Variants in UST observed in about 807,000 individuals in gnomAD.
UST encodes chondroitin sulfate 2-O-sulfotransferase.
UST carries 21 observed loss-of-function variants against 45.6 expected under a neutral mutation model. That is an observed-to-expected ratio of 0.46 (90% CI 0.33 to 0.66). The LOEUF is 0.66. Ranked by LOEUF, UST falls within the 30% of genes least tolerant of loss-of-function variation. The pLI is 0.02. For missense variants in UST, 463 were observed against 512.4 expected (o/e 0.90, Z 0.93); for synonymous variants, 215 against 200.6 (o/e 1.07, Z -0.61).
At chr6:148,877,508 G>C (rs796823920) in intron 1 of UST, among the ~76,000 whole-genome samples, 1 of 98,988 alleles carries the variant, frequency 1.0e-5, no homozygotes, top group African/African-American at 4.0e-5. Context: ...GTGTGTGGGT[G>C]GGGGGGTTGT....
Position 148,867,263 on chromosome 6 carries a change from C to G in UST, c.248-19723C>G, listed in dbSNP as rs141063047. Among the ~76,000 whole-genome samples the G allele has an allele frequency of 4.0e-3, 608 of 150,352 alleles. 3 individuals carry two copies. Among genetic ancestry groups the G allele is most frequent in the Middle Eastern group, 0.01 (3 of 292 alleles). On this transcript the variant is annotated intron_variant, in intron 1 of 7. Coordinates refer to ENST00000367463, the MANE Select transcript of UST (RefSeq NM_005715.3). Reference sequence around the variant, plus strand: ...AACAGCTTTCCCTTCCCATTTCTACCTTTCTTTGAGGCATTGTTGAATACA... The same window carrying G: ...AACAGCTTTCCCTTCCCATTTCTACGTTTCTTTGAGGCATTGTTGAATACA...
rs1399514554 is a variant in UST at position 148,777,638 on chromosome 6, G to A, written c.247+29961G>A. ...CAGCTCACTGCAACCTACGCATCCCGGGTTCCAGTGACTCTCCTGCCTCAG... is the reference window on the plus strand; with the variant it reads ...CAGCTCACTGCAACCTACGCATCCCAGGTTCCAGTGACTCTCCTGCCTCAG... On this transcript the variant is annotated intron_variant, in intron 1 of 7. Transcript: ENST00000367463. Among the ~76,000 whole-genome samples, 8 of 152,140 alleles carry A rather than the reference G, an allele frequency of 5.3e-5. No homozygotes were observed. In the East Asian group the frequency reaches 9.6e-4, roughly 18 times the overall value.
chr6:148,825,889 C>A (rs975565084), intron 1 of UST, among the ~76,000 whole-genome samples: 2 of 152,072 alleles, frequency 1.3e-5, no homozygotes, highest in African/African-American at 2.4e-5. Flanking sequence ...GGGGGAAATA[C>A]CTCCCTCATT....
intron 2 of UST, among the ~76,000 whole-genome samples, chr6:148,939,610 A>G (rs1271552737): frequency 6.6e-6 from 1 of 152,242 alleles, no homozygotes. Context: ...AAGTGGGGAA[A>G]GAATAGAAAG....
At chr6:148,885,153 A>G (rs1778890030) in intron 1 of UST, among the ~76,000 whole-genome samples, 1 of 152,034 alleles carries the variant, frequency 6.6e-6, no homozygotes, top group South Asian at 2.1e-4. Context: ...GTTTTTAGGA[A>G]CTTCAGTTCT....
chr6:148,930,891 A>T (rs879738678), intron 2 of UST, among the ~76,000 whole-genome samples: 1 of 152,268 alleles, frequency 6.6e-6, no homozygotes, highest in Non-Finnish European at 1.5e-5. Flanking sequence ...TTCACACTCA[A>T]GAAACTAACA....
chr6:148,832,618 G>A (rs185649207), intron 1 of UST, among the ~76,000 whole-genome samples: 1 of 152,262 alleles, frequency 6.6e-6, no homozygotes, highest in African/African-American at 2.4e-5. Flanking sequence ...TAAACCTGAT[G>A]GTGATTTAGT....
intron 1 of UST, among the ~76,000 whole-genome samples, chr6:148,879,139 T>C (rs1032846549): frequency 1.3e-5 from 2 of 152,148 alleles, no homozygotes; most frequent in Admixed American, 6.5e-5. Context: ...AGGTGCCCTG[T>C]GCCAGCCCAC....
intron 2 of UST, among the ~76,000 whole-genome samples, chr6:148,904,580 G>C (rs1031162149): frequency 6.6e-6 from 1 of 152,100 alleles, no homozygotes; most frequent in Admixed American, 6.6e-5. Context: ...CTGGAGTGCA[G>C]TGACACAATC....
intron 7 of UST, among the ~76,000 whole-genome samples, chr6:149,072,686 C>T (rs988930379): frequency 6.6e-6 from 1 of 150,598 alleles, no homozygotes; most frequent in African/African-American, 2.4e-5. Context: ...AGCTCTGATA[C>T]ACACTACAAC....
rs1424666210 is a variant in UST at position 149,076,648 on chromosome 6, A to G, written c.*2532A>G. ...GGCCCAACAGTTTGTACTTCATGAAACATATTGTACATTTTACATAGTTTA... is the reference window on the plus strand; with the variant it reads ...GGCCCAACAGTTTGTACTTCATGAAGCATATTGTACATTTTACATAGTTTA... On this transcript the variant is annotated 3_prime_UTR_variant, in exon 8 of 8. Transcript: ENST00000367463. 1 of 152,662 alleles carries G rather than the reference A, an allele frequency of 6.6e-6. No individual in the cohort carries two copies. The highest frequency in any genetic ancestry group is 1.5e-5 in the Non-Finnish European group (1 of 68,040). 9.5% of individuals were successfully genotyped at this position (152,662 alleles called of 1,614,324 possible). A position where few individuals can be genotyped will look rare whatever the true frequency, so the allele number is the denominator to read the frequency against.
chr6:148,956,910 G>A (rs1243510845), intron 4 of UST, among the ~76,000 whole-genome samples: 1 of 152,200 alleles, frequency 6.6e-6, no homozygotes, highest in Non-Finnish European at 1.5e-5. Flanking sequence ...CCTAGCGGAG[G>A]TGGGAAGCAG....
chr6:148,865,236 G>C (rs1405889644), intron 1 of UST, among the ~76,000 whole-genome samples: 1 of 152,138 alleles, frequency 6.6e-6, no homozygotes, highest in African/African-American at 2.4e-5. Flanking sequence ...CTGGCGTGTT[G>C]GTCATTTTTG....
chr6:148,819,515 T>C (rs1777416737), intron 1 of UST, among the ~76,000 whole-genome samples: 1 of 152,246 alleles, frequency 6.6e-6, no homozygotes, highest in South Asian at 2.1e-4. Flanking sequence ...ACGTTACTTT[T>C]TCTTATTCAC....
intron 7 of UST, among the ~76,000 whole-genome samples, chr6:149,048,296 A>G (rs1254897656): frequency 6.6e-6 from 1 of 152,170 alleles, no homozygotes; most frequent in African/African-American, 2.4e-5. Context: ...TAATCCTAGC[A>G]CTTTAGGAGG....
intron 1 of UST, among the ~76,000 whole-genome samples, chr6:148,859,677 G>A (rs1562279522): frequency 6.6e-6 from 1 of 152,186 alleles, no homozygotes; most frequent in East Asian, 1.9e-4. Context: ...TGTATAAGGT[G>A]TAAGGAAGGG....
chr6:148,862,868 C>T (rs985554906), intron 1 of UST, among the ~76,000 whole-genome samples: 4 of 152,222 alleles, frequency 2.6e-5, no homozygotes, highest in Admixed American at 6.5e-5. Context: ...AAGAGACCAG[C>T]TGTTAGTCTG....
intron 6 of UST, 58 bp downstream of exon 6, chr6:149,019,294 A>G: frequency 7.6e-7 from 1 of 1,319,110 alleles, no homozygotes; most frequent in Non-Finnish European, 1.1e-6. Flanking sequence ...CAAGAACCCC[A>G]CCAGCCTGGT....
chr6:149,040,893 A>C (rs1776304474), intron 7 of UST, among the ~76,000 whole-genome samples: 1 of 152,124 alleles, frequency 6.6e-6, no homozygotes. Flanking sequence ...CATCTTACTA[A>C]GTTGTCATAG....
Sources: gnomAD v4.1 joint callset for allele counts (sites outside exome capture counted in the v4.1 genomes callset) on GRCh38, gnomAD v4.1.1 for gene constraint, MANE v1.5 for transcripts, NCBI Gene and HGNC (gene_info 2026-07-23, HGNC 2026-07-21) for gene names.